Variants in PCDHGA3 observed in about 807,000 individuals in gnomAD.
PCDHGA3 encodes the protein protocadherin gamma subfamily A, 3, also known as protocadherin gamma-A3.
PCDHGA3 carries 40 observed loss-of-function variants against 58.5 expected under a neutral mutation model. The observed-to-expected ratio is 0.68, with a 90% CI of 0.53 to 0.89. PCDHGA3 has a LOEUF of 0.89. PCDHGA3 is among the 40% of genes least tolerant of loss of function. The pLI, the probability that PCDHGA3 is intolerant of heterozygous loss-of-function variation, is 0.00. For synonymous variants in PCDHGA3, 530 were observed against 525.7 expected (o/e 1.01, Z -0.11); for missense variants, 1,223 against 1,195.9 (o/e 1.02, Z -0.33).
rs1251686604 is a variant in PCDHGA3 at position 141,485,257 on chromosome 5, T to C, written c.2425-9550T>C. ...TCTTTTACCACCTGGGTTACGTTTG[T>C]GGGCAGATCCGCTACCCGGTCCCAG... is the stretch of plus-strand genomic sequence containing the variant. On this transcript the variant is annotated intron_variant, in intron 1 of 3. Coordinates refer to ENST00000253812, the MANE Select transcript of PCDHGA3 (RefSeq NM_018916.4). This position sits in a 1 kb window ranked among gnomAD's most constrained non-coding sequence, Gnocchi z 5.7. The C allele has an allele frequency of 6.2e-7, 1 of 1,614,154 alleles. No homozygotes were observed.
At chr5:141,395,140 C>T in intron 1 of PCDHGA3, 1 of 1,614,212 alleles carries the variant, frequency 6.2e-7, no homozygotes, top group Non-Finnish European at 8.5e-7. Flanking sequence ...CCCAACTACG[C>T]AGACATGCTC....
rs748189764 is a variant in PCDHGA3 at position 141,404,578 on chromosome 5, T to G, written c.2424+58121T>G. 1.9e-6 allele frequency: 3 copies of G among 1,613,950 alleles called. No homozygotes were observed. The Admixed American group carries it at 5.0e-5, about 27-fold the overall frequency. On this transcript the variant is annotated intron_variant, in intron 1 of 3. Coordinates refer to ENST00000253812, the MANE Select transcript of PCDHGA3 (RefSeq NM_018916.4). ...CAAGTGACAGTGGAAGCCCACCACTTAGCAGCAATGTGTCATTGAGACTGT... is the reference window on the plus strand; with the variant it reads ...CAAGTGACAGTGGAAGCCCACCACTGAGCAGCAATGTGTCATTGAGACTGT...
chr5:141,410,332 C>T (rs541138780), intron 1 of PCDHGA3: 2 of 1,614,002 alleles, frequency 1.2e-6, no homozygotes, highest in Non-Finnish European at 1.7e-6. Context: ...TGATTCTGGC[C>T]ATTGCCTTGC....
At chr5:141,350,477 A>G (rs1415742545) in intron 1 of PCDHGA3, 2 of 1,613,856 alleles carry the variant, frequency 1.2e-6, no homozygotes, top group African/African-American at 2.7e-5. Flanking sequence ...GGATTATTTC[A>G]ACGTTAGTTT....
chr5:141,432,600 C>T lies in PCDHGA3; in HGVS notation c.2425-62207C>T, dbSNP rs901310090. The T allele has an allele frequency of 1.9e-6, 3 of 1,613,832 alleles. No individual in the cohort carries two copies. The East Asian group carries it at 6.7e-5, about 36-fold the overall frequency. ...TACCGTCTGCTCAAGGCCAGCGAGCCGGGACTCTTCTCGGTGGGTCTGCAC... is the reference window on the plus strand; with the variant it reads ...TACCGTCTGCTCAAGGCCAGCGAGCTGGGACTCTTCTCGGTGGGTCTGCAC... On this transcript the variant is annotated intron_variant, in intron 1 of 3. Transcript: ENST00000253812. The surrounding 1 kb of genome is among the most constrained non-coding windows in gnomAD (Gnocchi z 6.0).
rs1036223789 is a variant in PCDHGA3, at chr5:141,511,298, G to A, written c.*125G>A. On this transcript the variant is annotated 3_prime_UTR_variant, in exon 4 of 4. Transcript: ENST00000253812. ...GAATACTGGTAGGGGCCAAGGCCAT[G>A]CTCCCCTTGGGAAACAGAAACAAGT... The A allele has an allele frequency of 4.7e-6, 7 of 1,502,412 alleles. No individual in the cohort carries two copies. In the African/African-American group the frequency reaches 8.4e-5, roughly 18 times the overall value. The allele number at this position is 1,502,412 out of a possible 1,614,324, so 93.1% of individuals were successfully genotyped here. A position where few individuals can be genotyped will look rare whatever the true frequency, so the allele number is the denominator to read the frequency against.
chr5:141,388,408 G>A (rs2091351933), intron 1 of PCDHGA3: 1 of 1,613,848 alleles, frequency 6.2e-7, no homozygotes, highest in African/African-American at 1.3e-5. Context: ...CTCAGTCCCA[G>A]TGATCATTTC....
chr5:141,489,701 T>C lies in PCDHGA3; in HGVS notation c.2425-5106T>C, dbSNP rs1038902932. The C allele has an allele frequency of 1.9e-6, 3 of 1,614,128 alleles. No homozygotes were observed. The highest frequency in any genetic ancestry group is 2.5e-6 in the Non-Finnish European group (3 of 1,179,944). On this transcript the variant is annotated intron_variant, in intron 1 of 3. Transcript: ENST00000253812. The surrounding 1 kb of genome is among the most constrained non-coding windows in gnomAD (Gnocchi z 4.5). ...GCAGCATCTGGGGCACGATTCCCAC[T>C]GGACAGTGCCCAGGATCCGGATGTG...
chr5:141,470,872 T>G, intron 1 of PCDHGA3, among the ~76,000 whole-genome samples: 1 of 151,814 alleles, frequency 6.6e-6, no homozygotes, highest in East Asian at 1.9e-4. Context: ...GTTTGTTTGT[T>G]TTTTTGTTTT....
chr5:141,409,495 T>C (rs777919409), intron 1 of PCDHGA3: 5 of 1,613,862 alleles, frequency 3.1e-6, no homozygotes, highest in Non-Finnish European at 4.2e-6. Context: ...GCAAGCCGCC[T>C]CTTTCTTCCA....
chr5:141,379,410 A>T (rs1314256524), intron 1 of PCDHGA3: 1 of 152,226 alleles, frequency 6.6e-6, no homozygotes, highest in African/African-American at 2.4e-5. Context: ...CTTGGATATT[A>T]GTCTCATGAG....
In PCDHGA3 at chr5:141,485,713, G is replaced by A. The variant is rs769162337; in HGVS notation, c.2425-9094G>A. The stretch of plus-strand genomic sequence containing the variant: ...TGAGCTCCAATGAACACTTTGCACT[G>A]GATGTGAAGAAGCGCAGCGACGGCA... On this transcript the variant is annotated intron_variant, in intron 1 of 3. Transcript: ENST00000253812. The surrounding 1 kb of genome is among the most constrained non-coding windows in gnomAD (Gnocchi z 5.7). 2 of 1,614,084 alleles carry A rather than the reference G, an allele frequency of 1.2e-6. No homozygotes were observed. The highest frequency in any genetic ancestry group is 1.3e-5 in the African/African-American group (1 of 74,942).
intron 1 of PCDHGA3, among the ~76,000 whole-genome samples, chr5:141,437,491 T>C (rs1428543921): frequency 6.6e-6 from 1 of 152,184 alleles, no homozygotes; most frequent in Non-Finnish European, 1.5e-5. Flanking sequence ...ATCTCGTAGA[T>C]CACTTTTCAA....
At chr5:141,350,088 T>G in intron 1 of PCDHGA3, 1 of 449,052 alleles carries the variant, frequency 2.2e-6, no homozygotes, top group East Asian at 3.4e-5. Flanking sequence ...TGCAGGAGCG[T>G]CAGGCAGGGT....
At position 141,410,750 on chromosome 5, in the gene PCDHGA3, A is replaced by G. The variant is rs1256862831; in HGVS notation, c.2424+64293A>G. Reference sequence around the variant, plus strand: ...CATAGCTTTTTACAATATTTTCTCAATGTTTTTTCAATTATAGTTTTCACT... The same window carrying G: ...CATAGCTTTTTACAATATTTTCTCAGTGTTTTTTCAATTATAGTTTTCACT... On this transcript the variant is annotated intron_variant, in intron 1 of 3. Coordinates refer to ENST00000253812, the MANE Select transcript of PCDHGA3 (RefSeq NM_018916.4). 23 of 1,243,022 alleles carry G rather than the reference A, an allele frequency of 1.9e-5. No homozygotes were observed. The East Asian group carries it at 4.4e-4, about 24-fold the overall frequency. 77.0% of individuals were successfully genotyped at this position (1,243,022 alleles called of 1,614,324 possible). A position where few individuals can be genotyped will look rare whatever the true frequency, so the allele number is the denominator to read the frequency against.
intron 1 of PCDHGA3, chr5:141,433,097 G>C: frequency 6.2e-7 from 1 of 1,614,162 alleles, no homozygotes; most frequent in Non-Finnish European, 8.5e-7. Context: ...AGACATGCTC[G>C]TCAGCCAGGA....
chr5:141,362,133 T>G, intron 1 of PCDHGA3: 2 of 1,614,020 alleles, frequency 1.2e-6, no homozygotes, highest in South Asian at 2.2e-5. Flanking sequence ...TCTTCGCGGA[T>G]AGCCTGCAAG....
chr5:141,355,624 G>C (rs774952817), intron 1 of PCDHGA3: 1 of 1,614,002 alleles, frequency 6.2e-7, no homozygotes, highest in South Asian at 1.1e-5. Context: ...GGAAATAAAA[G>C]TTGCTGAAAA....
rs902790467 is a variant in PCDHGA3 at position 141,395,519 on chromosome 5, C to A, written c.2424+49062C>A. 1.5e-5 allele frequency: 6 copies of A among 409,366 alleles called. 1 individual carries two copies. The highest frequency in any genetic ancestry group is 1.3e-4 in the African/African-American group (6 of 47,696). The allele number at this position is 409,366 out of a possible 1,614,324, so 25.4% of individuals were successfully genotyped here. On this transcript the variant is annotated intron_variant, in intron 1 of 3. Transcript: ENST00000253812. ...TTCACTTAAGAAGTAGCTACCCGTC[C>A]ATACTGGTAATTTTGCTATTGTTTG...
Sources: gnomAD v4.1 joint callset for allele counts (sites outside exome capture counted in the v4.1 genomes callset) on GRCh38, gnomAD v4.1.1 for gene constraint, Gnocchi (gnomAD v3.1) non-coding constraint, MANE v1.5 for transcripts, NCBI Gene and HGNC (gene_info 2026-07-23, HGNC 2026-07-21) for gene names.